The following GRIN2A variants were observed in gnomAD, a reference collection of about 807,000 sequenced individuals.
The protein encoded by GRIN2A is glutamate ionotropic receptor NMDA type subunit 2A, also known as glutamate receptor ionotropic, NMDA 2A.
Under a neutral mutation model 113.4 loss-of-function variants are expected in GRIN2A, and 22 were observed. The observed-to-expected ratio is 0.19, with a 90% CI of 0.14 to 0.28. The LOEUF (loss-of-function observed/expected upper bound fraction) is 0.28, where lower values mean the gene tolerates loss of function less well. Ranked by LOEUF, GRIN2A falls within the 10% of genes least tolerant of loss-of-function variation. The pLI, the probability that GRIN2A is intolerant of heterozygous loss-of-function variation, is 1.00. For missense variants in GRIN2A, 1,502 were observed against 1,887.0 expected (o/e 0.80, Z 3.78); for synonymous variants, 827 against 738.4 (o/e 1.12, Z -1.94).
intron 2 of GRIN2A, among the ~76,000 whole-genome samples, chr16:10,110,973 C>A (rs1270113961): frequency 2.0e-5 from 3 of 152,192 alleles, no homozygotes; most frequent in Non-Finnish European, 4.4e-5. Context: ...ACTAACTTTT[C>A]TTAACCTAAT....
chr16:10,094,184 C>T (rs1323743030), intron 2 of GRIN2A, among the ~76,000 whole-genome samples: 1 of 152,110 alleles, frequency 6.6e-6, no homozygotes. Flanking sequence ...GTTATAATGT[C>T]CTAAATCTGT....
chr16:10,127,812 G>C (rs181235459), intron 2 of GRIN2A, among the ~76,000 whole-genome samples: 2 of 152,302 alleles, frequency 1.3e-5, no homozygotes, highest in East Asian at 3.9e-4. Flanking sequence ...CCATAGTAAA[G>C]AATTAAACCT....
At chr16:9,820,276 G>T (rs1420044) in intron 10 of GRIN2A, among the ~76,000 whole-genome samples, 46,725 of 152,030 alleles carry the variant, frequency 0.31, 7,891 homozygotes, top group African/African-American at 0.45. Context: ...GCATTTGTGC[G>T]CATGGTCTGT....
intron 11 of GRIN2A, among the ~76,000 whole-genome samples, chr16:9,790,716 A>G (rs1232065341): frequency 6.6e-6 from 1 of 152,198 alleles, no homozygotes; most frequent in Non-Finnish European, 1.5e-5. Flanking sequence ...AGAGGTATCT[A>G]GTGTCCTTTC....
intron 2 of GRIN2A, among the ~76,000 whole-genome samples, chr16:10,050,249 G>T (rs959386189): frequency 1.3e-5 from 2 of 152,168 alleles, no homozygotes; most frequent in African/African-American, 4.8e-5. Flanking sequence ...CAGGAGCCAA[G>T]GAACAAATAC....
At chr16:9,872,099 A>C (rs148453704) in intron 4 of GRIN2A, among the ~76,000 whole-genome samples, 4 of 152,304 alleles carry the variant, frequency 2.6e-5, no homozygotes, top group African/African-American at 9.6e-5. Flanking sequence ...GACTCACAAA[A>C]AGCATTTAAT....
intron 2 of GRIN2A, among the ~76,000 whole-genome samples, chr16:10,029,539 G>A (rs1047049743): frequency 1.3e-5 from 2 of 152,170 alleles, no homozygotes; most frequent in African/African-American, 4.8e-5. Context: ...CAAGAATGCT[G>A]TATAAAACAG....
intron 3 of GRIN2A, among the ~76,000 whole-genome samples, chr16:9,900,395 G>A (rs1330462401): frequency 6.6e-6 from 1 of 152,162 alleles, no homozygotes; most frequent in Non-Finnish European, 1.5e-5. Context: ...ACTCTATTCA[G>A]GGAGCACACC....
At chr16:10,149,712 C>T (rs1596555139) in intron 2 of GRIN2A, among the ~76,000 whole-genome samples, 1 of 152,134 alleles carries the variant, frequency 6.6e-6, no homozygotes, top group Non-Finnish European at 1.5e-5. Flanking sequence ...TAATATCCTC[C>T]TAACTGGCCT....
chr16:9,979,424 C>T (rs2045840903), intron 2 of GRIN2A, among the ~76,000 whole-genome samples: 1 of 152,130 alleles, frequency 6.6e-6, no homozygotes. Flanking sequence ...GTTCCCTATA[C>T]CTGGAATGCT....
chr16:9,808,612 C>G (rs553406661), intron 10 of GRIN2A, among the ~76,000 whole-genome samples: 1 of 152,154 alleles, frequency 6.6e-6, no homozygotes, highest in South Asian at 2.1e-4. Flanking sequence ...GGGAAACAGG[C>G]TGAGAGAGGT....
chr16:10,012,408 C>T (rs1446465616), intron 2 of GRIN2A, among the ~76,000 whole-genome samples: 2 of 152,164 alleles, frequency 1.3e-5, no homozygotes, highest in Admixed American at 1.3e-4. Context: ...TATAGGATAA[C>T]CACAGGAAAA....
At chr16:10,113,692 T>C (rs976281021) in intron 2 of GRIN2A, among the ~76,000 whole-genome samples, 2 of 152,282 alleles carry the variant, frequency 1.3e-5, no homozygotes, top group African/African-American at 4.8e-5. Flanking sequence ...GATATATTTA[T>C]ATCTTATGTA....
intron 2 of GRIN2A, among the ~76,000 whole-genome samples, chr16:9,970,265 T>C (rs949755151): frequency 9.9e-5 from 15 of 152,186 alleles, no homozygotes; most frequent in African/African-American, 3.6e-4. Flanking sequence ...AGGTTCATAG[T>C]CCAAAGCAAC....
intron 10 of GRIN2A, among the ~76,000 whole-genome samples, chr16:9,803,939 G>C (rs1416917713): frequency 2.0e-5 from 3 of 152,198 alleles, no homozygotes; most frequent in Non-Finnish European, 4.4e-5. Context: ...TTTGACAGAA[G>C]AGGCAAGGAT....
chr16:10,181,327 G>C (rs2050268259), intron 1 of GRIN2A, among the ~76,000 whole-genome samples: 1 of 152,220 alleles, frequency 6.6e-6, no homozygotes, highest in South Asian at 2.1e-4. Flanking sequence ...GGCAAAGAAC[G>C]TGCGTAGGGG....
chr16:10,059,584 C>A (rs987613716), intron 2 of GRIN2A, among the ~76,000 whole-genome samples: 3 of 151,918 alleles, frequency 2.0e-5, no homozygotes, highest in Non-Finnish European at 2.9e-5. Flanking sequence ...AGTTCAGAAG[C>A]AAATAATAAC....
At chr16:10,086,629 A>C (rs2048091095) in intron 2 of GRIN2A, among the ~76,000 whole-genome samples, 2 of 150,400 alleles carry the variant, frequency 1.3e-5, no homozygotes, top group African/African-American at 2.4e-5. Flanking sequence ...AAAAAAAAGG[A>C]AACAGAGAAA....
intron 2 of GRIN2A, chr16:10,031,476 G>A (rs578028806): frequency 3.1e-4 from 47 of 152,352 alleles, no homozygotes; most frequent in African/African-American, 9.9e-4. Flanking sequence ...TCCATTTGCC[G>A]TCTCTGTCCT....
Sources: allele counts gnomAD v4.1 joint callset (sites outside exome capture counted in the v4.1 genomes callset), GRCh38; gene constraint gnomAD v4.1.1; transcripts MANE v1.5; gene names NCBI Gene and HGNC (gene_info 2026-07-23, HGNC 2026-07-21).